The following ENPP6 variants were observed in gnomAD, a reference collection of about 807,000 sequenced individuals.
ENPP6 encodes the protein glycerophosphocholine cholinephosphodiesterase ENPP6.
Under a neutral mutation model 42.0 loss-of-function variants are expected in ENPP6, and 32 were observed. The ratio of observed to expected loss-of-function variants is 0.76; its 90% CI spans 0.58 to 1.02. ENPP6 has a LOEUF of 1.02. Ranked by LOEUF, ENPP6 falls within the 50% of genes least tolerant of loss-of-function variation. ENPP6 has a pLI of 0.00. For missense variants in ENPP6, 552 were observed against 566.8 expected, an observed-to-expected ratio of 0.97 and a Z score of 0.27; for synonymous variants, 213 against 216.0, an observed-to-expected ratio of 0.99 and a Z score of 0.12.
chr4:184,112,883 G>C, intron 5 of ENPP6, 74 bp from the exon 6 acceptor site: 1 of 1,440,934 alleles, frequency 6.9e-7, no homozygotes, highest in Non-Finnish European at 9.3e-7. Context: ...AGCTAGGGGA[G>C]AGGAGAACTT....
At chr4:184,165,246 T>C (rs1393943897) in intron 1 of ENPP6, among the ~76,000 whole-genome samples, 1 of 152,242 alleles carries the variant, frequency 6.6e-6, no homozygotes, top group Non-Finnish European at 1.5e-5. Flanking sequence ...TGGAACTAAA[T>C]GCTTTACATT....
intron 1 of ENPP6, among the ~76,000 whole-genome samples, chr4:184,193,447 G>C (rs1732735910): frequency 6.6e-6 from 1 of 152,230 alleles, no homozygotes; most frequent in Admixed American, 6.5e-5. Context: ...TAAAGGCAGA[G>C]TTGGAGGTTG....
Position 184,183,669 on chromosome 4 carries a change from A to C in ENPP6, c.242-29936T>G, listed in dbSNP as rs567506967. On this transcript the variant is annotated intron_variant, in intron 1 of 7. Coordinates refer to ENST00000296741, the MANE Select transcript of ENPP6 (RefSeq NM_153343.4). ...TAAGTCCCCAAGCTTCCCACAGACT[A>C]AGTTCAATCATATATGAACTAAAGT... is the stretch of plus-strand genomic sequence containing the variant. Among the ~76,000 whole-genome samples, 11 of 152,348 alleles carry C rather than the reference A, an allele frequency of 7.2e-5. No individual in the cohort carries two copies. The East Asian group carries it at 2.1e-3, about 29-fold the overall frequency.
intron 2 of ENPP6, among the ~76,000 whole-genome samples, chr4:184,127,114 A>C (rs928600514): frequency 6.6e-6 from 1 of 152,252 alleles, no homozygotes; most frequent in African/African-American, 2.4e-5. Flanking sequence ...TGATAACAAT[A>C]TATTATGGAC....
intron 1 of ENPP6, among the ~76,000 whole-genome samples, chr4:184,211,001 G>A (rs1378169110): frequency 1.3e-4 from 20 of 150,390 alleles, no homozygotes; most frequent in East Asian, 5.9e-4. Flanking sequence ...GGTACATAAC[G>A]AAATGAAGGC....
At chr4:184,118,333 TGAG>T (rs749875701) in intron 3 of ENPP6, among the ~76,000 whole-genome samples, 73 of 152,232 alleles carry the variant, frequency 4.8e-4, no homozygotes, top group Non-Finnish European at 1.3e-4. Context: ...CTTACTATAG[TGAG>T]GAGTTTTCAT....
intron 1 of ENPP6, among the ~76,000 whole-genome samples, chr4:184,170,353 C>G (rs1037043511): frequency 6.6e-6 from 1 of 151,204 alleles, no homozygotes; most frequent in Middle Eastern, 3.2e-3. Context: ...TCACTTGAGC[C>G]AGGGAGTTGA....
chr4:184,160,519 T>C lies in ENPP6; in HGVS notation c.242-6786A>G, dbSNP rs62340153. Among the ~76,000 whole-genome samples, 875 of 152,200 alleles carry C rather than the reference T, an allele frequency of 5.7e-3. 2 individuals carry two copies. Among genetic ancestry groups the C allele is most frequent in the Non-Finnish European group, 0.01 (699 of 67,964 alleles). On this transcript the variant is annotated intron_variant, in intron 1 of 7. Transcript: ENST00000296741. Reference sequence around the variant, plus strand: ...TATTTGGAGAACAGACGTTATTTAATCTGTGGTAATTCAGTTTTGCGCATA... The same window carrying C: ...TATTTGGAGAACAGACGTTATTTAACCTGTGGTAATTCAGTTTTGCGCATA...
chr4:184,202,447 G>A (rs774126917), intron 1 of ENPP6, among the ~76,000 whole-genome samples: 18 of 152,126 alleles, frequency 1.2e-4, no homozygotes, highest in African/African-American at 4.1e-4. Flanking sequence ...GGAGGAGCCT[G>A]TTGGACTATC....
At chr4:184,124,092 A>G in intron 3 of ENPP6, 69 bp downstream of exon 3, 1 of 1,243,758 alleles carries the variant, frequency 8.0e-7, no homozygotes, top group Non-Finnish European at 1.2e-6. Flanking sequence ...CTCTTAATTC[A>G]CTTTAGGATC....
rs538033400 is a variant in ENPP6, at chr4:184,171,749, T to G, written c.242-18016A>C. 6.6e-5 allele frequency among the ~76,000 whole-genome samples: 10 copies of G among 152,190 alleles called. No homozygotes were observed. The South Asian group carries it at 2.1e-3, about 32-fold the overall frequency. On this transcript the variant is annotated intron_variant, in intron 1 of 7. Transcript: ENST00000296741. Reference sequence around the variant, plus strand: ...TTGATATAGTTAGTTATTTAAAAACTTGTGTGTTCACATAATTTGTTAGTT... The same window carrying G: ...TTGATATAGTTAGTTATTTAAAAACGTGTGTGTTCACATAATTTGTTAGTT...
intron 2 of ENPP6, among the ~76,000 whole-genome samples, chr4:184,129,922 T>C (rs1736566032): frequency 1.2e-5 from 1 of 84,258 alleles, no homozygotes; most frequent in African/African-American, 5.2e-5. Context: ...AATGACTGGT[T>C]TGGCAGACTT....
chr4:184,194,719 G>A (rs1284307733), intron 1 of ENPP6, among the ~76,000 whole-genome samples: 1 of 152,184 alleles, frequency 6.6e-6, no homozygotes, highest in Non-Finnish European at 1.5e-5. Flanking sequence ...CCTGCTTGGT[G>A]GCAGAACCCA....
At chr4:184,194,638 G>A (rs1732765836) in intron 1 of ENPP6, among the ~76,000 whole-genome samples, 3 of 152,228 alleles carry the variant, frequency 2.0e-5, no homozygotes, top group Non-Finnish European at 4.4e-5. Context: ...TGGCCCTGGT[G>A]AGAAGTCTTC....
chr4:184,135,201 T>C (rs1318773485), intron 2 of ENPP6, among the ~76,000 whole-genome samples: 2 of 152,166 alleles, frequency 1.3e-5, no homozygotes, highest in Non-Finnish European at 2.9e-5. Flanking sequence ...GTAAATTCAA[T>C]CAGGTAAAAA....
chr4:184,110,196 C>T lies in ENPP6; in HGVS notation c.993+2476G>A, dbSNP rs534098718. On this transcript the variant is annotated intron_variant, in intron 6 of 7. Transcript: ENST00000296741. ...CACCCCTTCTTTCTGTTCTTTGTTT[C>T]GGGGCCCCAGTCTACCTGACTCCTG... Among the ~76,000 whole-genome samples, 10 of 152,228 alleles carry T rather than the reference C, an allele frequency of 6.6e-5. No homozygotes were observed. The East Asian group carries it at 1.2e-3, about 18-fold the overall frequency.
intron 1 of ENPP6, among the ~76,000 whole-genome samples, chr4:184,200,944 A>C (rs1732884763): frequency 6.6e-6 from 1 of 152,132 alleles, no homozygotes; most frequent in Non-Finnish European, 1.5e-5. Flanking sequence ...AGTATCCTGG[A>C]CCAAAGTTCC....
rs112175763 is a variant in ENPP6, at chr4:184,208,510, C to A, written c.241+9069G>T. Among the ~76,000 whole-genome samples, 80 of 152,256 alleles carry A rather than the reference C, an allele frequency of 5.3e-4. No homozygotes were observed. The East Asian group carries it at 7.2e-3, about 14-fold the overall frequency. On this transcript the variant is annotated intron_variant, in intron 1 of 7. Transcript: ENST00000296741. ...ATCTGGAAAATCGGGTCACTCCCAC[C>A]CAAATACTGCGCTTTTCCGACGGGC...
chr4:184,187,409 C>A (rs1732649430), intron 1 of ENPP6, among the ~76,000 whole-genome samples: 2 of 152,200 alleles, frequency 1.3e-5, no homozygotes, highest in East Asian at 1.9e-4. Flanking sequence ...GCCACCACAC[C>A]ACTGCACACC....
Sources: allele counts gnomAD v4.1 joint callset (sites outside exome capture counted in the v4.1 genomes callset), GRCh38; gene constraint gnomAD v4.1.1; transcripts MANE v1.5; gene names NCBI Gene and HGNC (gene_info 2026-07-23, HGNC 2026-07-21).